Variants in PTPRN2 observed in about 807,000 individuals in gnomAD.
PTPRN2 encodes protein tyrosine phosphatase receptor type N2.
A neutral mutation model predicts 118.8 loss-of-function variants in PTPRN2; 74 were observed. That is an observed-to-expected ratio of 0.62 (90% confidence interval 0.52 to 0.76). The LOEUF (loss-of-function observed/expected upper bound fraction) is 0.76, where lower values mean the gene tolerates loss of function less well. Ranked by LOEUF, PTPRN2 falls within the 30% of genes least tolerant of loss-of-function variation. The probability of loss-of-function intolerance (pLI) is 0.00; values close to 1 mark genes in which losing one functional copy is unlikely to be tolerated. For missense variants in PTPRN2, 1,481 were observed against 1,394.4 expected (o/e 1.06, Z -0.99); for synonymous variants, 641 against 608.0 (o/e 1.05, Z -0.80).
rs73729761 is a variant in PTPRN2 at position 158,357,831 on chromosome 7, G to A, written c.164-40899C>T. 7.1e-3 allele frequency among the ~76,000 whole-genome samples: 1,080 copies of A among 152,306 alleles called. 11 individuals are homozygous for A. Among genetic ancestry groups the A allele is most frequent in the African/African-American group, 0.025 (1,024 of 41,570 alleles). ...AGGGGTGTCCCATTGGGACAGTGGC[G>A]GCTCTCAGAACCCAGCCGCCAGCCC... On this transcript the variant is annotated intron_variant, in intron 2 of 22. Coordinates refer to ENST00000389418, the MANE Select transcript of PTPRN2 (RefSeq NM_002847.5).
At chr7:158,369,214 G>A (rs865781845) in intron 2 of PTPRN2, among the ~76,000 whole-genome samples, 7 of 151,158 alleles carry the variant, frequency 4.6e-5, no homozygotes, top group South Asian at 4.2e-4. Flanking sequence ...GTGGGACCTT[G>A]TGATCATGTG....
At chr7:157,811,257 C>T (rs375408643) in intron 12 of PTPRN2, among the ~76,000 whole-genome samples, 2 of 138,470 alleles carry the variant, frequency 1.4e-5, no homozygotes, top group African/African-American at 2.8e-5. Context: ...GATGACAGAG[C>T]GAGACTCCAT....
In PTPRN2 at chr7:157,832,709, G is replaced by A. The variant is rs540286794; in HGVS notation, c.1788+65964C>T. On this transcript the variant is annotated intron_variant, in intron 12 of 22. Transcript: ENST00000389418. ...CAGTTTCCAAACACATATGCTTCGC[G>A]TGGGAATCTGGGGTTGATTCAAAGG... Among the ~76,000 whole-genome samples the A allele has an allele frequency of 1.2e-4, 19 of 152,344 alleles. No individual in the cohort carries two copies. In the East Asian group the frequency reaches 3.1e-3, roughly 25 times the overall value.
intron 2 of PTPRN2, among the ~76,000 whole-genome samples, chr7:158,449,466 C>G (rs973684054): frequency 6.6e-6 from 1 of 152,216 alleles, no homozygotes; most frequent in Non-Finnish European, 1.5e-5. Context: ...CAGCAAGACA[C>G]ACAGCGCAGT....
chr7:157,812,060 C>G (rs1806077732), intron 12 of PTPRN2, among the ~76,000 whole-genome samples: 2 of 152,166 alleles, frequency 1.3e-5, no homozygotes, highest in African/African-American at 4.8e-5. Context: ...CAGGCGGACT[C>G]CATGTGACTG....
chr7:158,017,101 G>A (rs12155188), intron 11 of PTPRN2, among the ~76,000 whole-genome samples: 7,712 of 152,278 alleles, frequency 0.051, 253 homozygotes, highest in Admixed American at 0.085. Context: ...GTTAACAAAC[G>A]CCATGGCAAA....
At chr7:158,070,439 G>A (rs1811170707) in intron 11 of PTPRN2, among the ~76,000 whole-genome samples, 1 of 142,702 alleles carries the variant, frequency 7.0e-6, no homozygotes, top group African/African-American at 2.8e-5. Context: ...CGTGGTGGTG[G>A]AGGTGCCCGT....
At chr7:158,076,270 C>T (rs1260261297) in intron 11 of PTPRN2, among the ~76,000 whole-genome samples, 4 of 152,332 alleles carry the variant, frequency 2.6e-5, no homozygotes, top group East Asian at 3.9e-4. Context: ...GGATGGGCTT[C>T]GGGCCCCACC....
intron 12 of PTPRN2, among the ~76,000 whole-genome samples, chr7:157,800,214 C>T (rs901074469): frequency 2.0e-5 from 3 of 152,224 alleles, no homozygotes; most frequent in Non-Finnish European, 4.4e-5. Flanking sequence ...AGCCAGCCTG[C>T]GTGGCCTCTG....
chr7:158,371,810 C>T (rs1391048450), intron 2 of PTPRN2, among the ~76,000 whole-genome samples: 1 of 152,202 alleles, frequency 6.6e-6, no homozygotes, highest in Non-Finnish European at 1.5e-5. Context: ...AATTACACCA[C>T]ATTAAAGATC....
Position 157,990,614 on chromosome 7 carries a change from G to A in PTPRN2, c.1723+90684C>T, listed in dbSNP as rs1408662710. Among the ~76,000 whole-genome samples the A allele has an allele frequency of 6.6e-6, 1 of 152,176 alleles. No homozygotes were observed. The highest frequency in any genetic ancestry group is 2.4e-5 in the African/African-American group (1 of 41,444). ...GATGGGGGAGCAGGGCAGGCTGGGG[G>A]TCAGGGCTCAGGGCGGTGCTGACAG... On this transcript the variant is annotated intron_variant, in intron 11 of 22. Coordinates refer to ENST00000389418, the MANE Select transcript of PTPRN2 (RefSeq NM_002847.5). This position sits in a 1 kb window ranked among gnomAD's most constrained non-coding sequence, Gnocchi z 4.3.
intron 1 of PTPRN2, among the ~76,000 whole-genome samples, chr7:158,557,610 C>A (rs1827130026): frequency 6.6e-6 from 1 of 152,246 alleles, no homozygotes; most frequent in Non-Finnish European, 1.5e-5. Flanking sequence ...GAGCTGAGAA[C>A]AGGCCCCTCC....
intron 11 of PTPRN2, among the ~76,000 whole-genome samples, chr7:158,056,944 T>C (rs567994373): frequency 6.6e-6 from 1 of 152,322 alleles, no homozygotes; most frequent in South Asian, 2.1e-4. Flanking sequence ...AGGCTCACAA[T>C]GTCGCCCTTA....
intron 12 of PTPRN2, among the ~76,000 whole-genome samples, chr7:157,695,008 C>T (rs922272996): frequency 2.0e-5 from 3 of 152,062 alleles, no homozygotes; most frequent in African/African-American, 7.2e-5. Flanking sequence ...TACAAAATAG[C>T]TACACAATAT....
chr7:157,936,546 T>C (rs1253384325), intron 11 of PTPRN2, among the ~76,000 whole-genome samples: 1 of 152,032 alleles, frequency 6.6e-6, no homozygotes, highest in Non-Finnish European at 1.5e-5. Context: ...TTCTAGTGTC[T>C]CCTCCACTCG....
chr7:158,403,409 A>T (rs886445927), intron 2 of PTPRN2, among the ~76,000 whole-genome samples: 1 of 152,056 alleles, frequency 6.6e-6, no homozygotes, highest in Admixed American at 6.5e-5. Flanking sequence ...TGCAGGCCCC[A>T]CCCCAGCAAC....
intron 12 of PTPRN2, among the ~76,000 whole-genome samples, chr7:157,781,762 C>G (rs74411448): frequency 1.3e-5 from 2 of 152,184 alleles, no homozygotes; most frequent in Non-Finnish European, 2.9e-5. Context: ...GTACCCAAAA[C>G]GTATATTACT....
chr7:158,395,778 CGCGAGGGGCGAGGGGTGAGGCGCGAGGG>C (rs1563241121), intron 2 of PTPRN2, among the ~76,000 whole-genome samples: 63 of 16,148 alleles, frequency 3.9e-3, no homozygotes, highest in Non-Finnish European at 5.3e-3. Context: ...AGGGGTGAGG[CGCGAGGGGCGAGGGGTGAGGCGCGAGGG>C]GCGAGGGGCG....
At chr7:158,495,401 C>T (rs558959105) in intron 1 of PTPRN2, among the ~76,000 whole-genome samples, 2 of 152,192 alleles carry the variant, frequency 1.3e-5, no homozygotes, top group African/African-American at 4.8e-5. Flanking sequence ...ACCTCCTCTG[C>T]AGCAAACACA....
Sources: gnomAD v4.1 joint callset for allele counts (sites outside exome capture counted in the v4.1 genomes callset) on GRCh38, gnomAD v4.1.1 for gene constraint, Gnocchi (gnomAD v3.1) non-coding constraint, MANE v1.5 for transcripts, NCBI Gene and HGNC (gene_info 2026-07-23, HGNC 2026-07-21) for gene names.